The following LARGE1 variants were observed in gnomAD, a reference collection of about 807,000 sequenced individuals.
LARGE1 encodes the protein xylosyl- and glucuronyltransferase LARGE1.
LARGE1 carries 43 observed loss-of-function variants against 87.6 expected under a neutral mutation model. The observed-to-expected ratio is 0.49, with a 90% CI of 0.38 to 0.63. The LOEUF (loss-of-function observed/expected upper bound fraction) is 0.63, where lower values mean the gene tolerates loss of function less well. Among genes scored for constraint, LARGE1 ranks in the 30% least tolerant of loss-of-function variants. LARGE1 has a pLI of 0.00. For missense variants in LARGE1, 802 were observed against 1,000.2 expected, an observed-to-expected ratio of 0.80 and a Z score of 2.67; for synonymous variants, 434 against 394.6, an observed-to-expected ratio of 1.10 and a Z score of -1.18.
rs149329080 is a variant in LARGE1 at position 33,534,826 on chromosome 22, C to G, written c.787+30022G>C. The stretch of plus-strand genomic sequence containing the variant: ...CAGGCAGGAGCAAGTCTCTTCTTCC[C>G]CTCTGGACTCAGTCTTCCCATGGCG... On this transcript the variant is annotated intron_variant, in intron 6 of 14. Coordinates refer to ENST00000397394, the MANE Select transcript of LARGE1 (RefSeq NM_133642.5). Among the ~76,000 whole-genome samples the G allele has an allele frequency of 2.4e-3, 358 of 152,274 alleles. 3 individuals are homozygous for G. Among genetic ancestry groups the G allele is most frequent in the African/African-American group, 8.3e-3 (346 of 41,536 alleles).
intron 5 of LARGE1, among the ~76,000 whole-genome samples, chr22:33,575,190 C>G (rs2078318283): frequency 6.6e-6 from 1 of 152,190 alleles, no homozygotes; most frequent in Non-Finnish European, 1.5e-5. Context: ...TGCTATTTCT[C>G]AAGGTCTTCT....
chr22:33,384,381 C>T (rs2065256642), intron 7 of LARGE1, 77 bp from the exon 8 acceptor site: 3 of 1,000,556 alleles, frequency 3.0e-6, no homozygotes, highest in African/African-American at 1.6e-5. Flanking sequence ...ACTCACATCA[C>T]AGCCACAGTC....
chr22:33,702,631 G>A lies in LARGE1; in HGVS notation c.107-51963C>T, dbSNP rs116260587. On this transcript the variant is annotated intron_variant, in intron 2 of 14. Coordinates refer to ENST00000397394, the MANE Select transcript of LARGE1 (RefSeq NM_133642.5). ...ATTCCAGGCCAACAAGGAAGGCTAC[G>A]TGGAAATCAGGACAAAGGGCTTCTC... Among the ~76,000 whole-genome samples the A allele has an allele frequency of 2.8e-3, 420 of 152,270 alleles. 2 individuals carry two copies. Among genetic ancestry groups the A allele is most frequent in the African/African-American group, 6.9e-3 (286 of 41,558 alleles).
intron 4 of LARGE1, 115 bp from the exon 5 acceptor site, chr22:33,604,673 G>C (rs1569306404): frequency 7.4e-7 from 1 of 1,352,000 alleles, no homozygotes; most frequent in Non-Finnish European, 1.0e-6. Flanking sequence ...AACGGCAATT[G>C]TGAAAGTAAA....
At chr22:33,352,674 C>A (rs9621685) in intron 9 of LARGE1, among the ~76,000 whole-genome samples, 51,054 of 151,824 alleles carry the variant, frequency 0.34, 8,735 homozygotes, top group South Asian at 0.39. Context: ...CAGGGAGAGA[C>A]TTGCTTGAAC....
In LARGE1 at chr22:33,741,928, A is replaced by G. The variant is rs2083899659; in HGVS notation, c.106+19443T>C. ...GAACTGCTCCTTGGCTGAGGGTCCC[A>G]GCAGAACCAGCTTCAGATACCCCAC... On this transcript the variant is annotated intron_variant, in intron 2 of 14. Coordinates refer to ENST00000397394, the MANE Select transcript of LARGE1 (RefSeq NM_133642.5). Among the ~76,000 whole-genome samples the G allele has an allele frequency of 2.6e-5, 4 of 152,190 alleles. No homozygotes were observed. In the South Asian group the frequency reaches 8.3e-4, roughly 32 times the overall value.
intron 9 of LARGE1, among the ~76,000 whole-genome samples, chr22:33,347,355 T>C (rs2142550): frequency 0.34 from 51,488 of 152,104 alleles, 8,984 homozygotes; most frequent in African/African-American, 0.41. Context: ...GCCACAGTGC[T>C]TGGCACGCAG....
intron 1 of LARGE1, among the ~76,000 whole-genome samples, chr22:33,766,913 C>CATATATATATATATATAT (rs34406131): frequency 2.7e-5 from 3 of 111,784 alleles, no homozygotes; most frequent in Non-Finnish European, 5.5e-5. Flanking sequence ...TAAACATATA[C>CATATATATATATATATAT]ATATATATAT....
chr22:33,285,742 G>C (rs1931412244), intron 12 of LARGE1, among the ~76,000 whole-genome samples: 1 of 152,230 alleles, frequency 6.6e-6, no homozygotes, highest in Admixed American at 6.5e-5. Flanking sequence ...GGCGTGCAAA[G>C]AGGAATCATA....
At chr22:33,609,250 G>A (rs1436458003) in intron 4 of LARGE1, among the ~76,000 whole-genome samples, 2 of 152,208 alleles carry the variant, frequency 1.3e-5, no homozygotes, top group African/African-American at 2.4e-5. Context: ...GTCAGAACAT[G>A]GATGCGCCGC....
intron 9 of LARGE1, among the ~76,000 whole-genome samples, chr22:33,352,371 A>T (rs1049639169): frequency 1.3e-5 from 2 of 152,226 alleles, no homozygotes; most frequent in African/African-American, 4.8e-5. Context: ...TTAAATGGAA[A>T]CATTGAGTGA....
intron 2 of LARGE1, among the ~76,000 whole-genome samples, chr22:33,670,124 C>G (rs952099797): frequency 6.6e-6 from 1 of 152,150 alleles, no homozygotes; most frequent in African/African-American, 2.4e-5. Context: ...AGCCAACAAG[C>G]TCATTCTGGT....
At chr22:33,153,920 T>G in the LARGE1 span, among the ~76,000 whole-genome samples, 1 of 152,152 alleles carries the variant, frequency 6.6e-6, no homozygotes, top group Non-Finnish European at 1.5e-5. Context: ...AAACCATCAT[T>G]CTCTAAGTTT....
chr22:33,235,294 A>G (rs1926197358), intron 11 of LARGE1, among the ~76,000 whole-genome samples: 1 of 152,260 alleles, frequency 6.6e-6, no homozygotes, highest in Non-Finnish European at 1.5e-5. Context: ...TCAGATATCA[A>G]TAAGTTCTAT....
intron 1 of LARGE1, among the ~76,000 whole-genome samples, chr22:33,764,686 A>G (rs1354383757): frequency 6.6e-6 from 1 of 152,178 alleles, no homozygotes; most frequent in African/African-American, 2.4e-5. Context: ...GGAACCCGGG[A>G]GGCGGAGGTT....
chr22:33,781,490 G>T (rs2145898138), intron 1 of LARGE1, among the ~76,000 whole-genome samples: 1 of 152,202 alleles, frequency 6.6e-6, no homozygotes, highest in African/African-American at 2.4e-5. Context: ...AACAGAACGA[G>T]ACTCTGCCTT....
the LARGE1 span, among the ~76,000 whole-genome samples, chr22:33,129,276 G>A: frequency 2.6e-5 from 4 of 152,092 alleles, no homozygotes; most frequent in Admixed American, 2.6e-4. Flanking sequence ...GGTAGCATGA[G>A]GGAGTTTCTT....
chr22:33,618,515 C>A (rs2079646660), intron 4 of LARGE1, among the ~76,000 whole-genome samples: 1 of 152,160 alleles, frequency 6.6e-6, no homozygotes, highest in South Asian at 2.1e-4. Context: ...AAAGCAGTTC[C>A]TTTTGGTTTT....
intron 7 of LARGE1, among the ~76,000 whole-genome samples, chr22:33,411,907 G>C (rs2066315777): frequency 6.6e-6 from 1 of 152,196 alleles, no homozygotes. Flanking sequence ...CATATATACA[G>C]AGAAATAGAT....
Sources: allele counts gnomAD v4.1 joint callset (sites outside exome capture counted in the v4.1 genomes callset), GRCh38; gene constraint gnomAD v4.1.1; transcripts MANE v1.5; gene names NCBI Gene and HGNC (gene_info 2026-07-23, HGNC 2026-07-21).